DLG2: variants seen among roughly 807,000 people sequenced by gnomAD.
DLG2 encodes the protein disks large homolog 2.
In DLG2, 45 loss-of-function variants were observed where a neutral mutation model predicts 132.5. The observed-to-expected ratio is 0.34, with a 90% CI of 0.27 to 0.44. The LOEUF is 0.44. DLG2 is among the 20% of genes least tolerant of loss of function. The pLI is 1.00. For missense variants in DLG2, 1,045 were observed against 1,196.9 expected (o/e 0.87, Z 1.87); for synonymous variants, 424 against 419.6 (o/e 1.01, Z -0.13).
chr11:84,527,336 A>C (rs866572673), intron 7 of DLG2, among the ~76,000 whole-genome samples: 2 of 152,332 alleles, frequency 1.3e-5, no homozygotes, highest in Middle Eastern at 3.4e-3. Flanking sequence ...TGGCAACTCT[A>C]GTAAGAAAAT....
intron 11 of DLG2, among the ~76,000 whole-genome samples, chr11:83,985,948 G>C (rs1008694216): frequency 1.3e-5 from 2 of 151,938 alleles, no homozygotes; most frequent in Admixed American, 6.6e-5. Context: ...CACAATGATT[G>C]AACAAATTTA....
chr11:83,941,460 A>G (rs972905149), intron 14 of DLG2, among the ~76,000 whole-genome samples: 3 of 152,046 alleles, frequency 2.0e-5, no homozygotes, highest in African/African-American at 7.2e-5. Context: ...CAGGGTTGCA[A>G]TCTCAACTCA....
intron 16 of DLG2, among the ~76,000 whole-genome samples, chr11:83,872,467 T>A (rs981521714): frequency 6.6e-6 from 1 of 152,224 alleles, no homozygotes; most frequent in Non-Finnish European, 1.5e-5. Context: ...AATTGCTTTA[T>A]GCTAGTTGGG....
intron 21 of DLG2, among the ~76,000 whole-genome samples, chr11:83,508,506 G>A (rs2094849169): frequency 6.7e-6 from 1 of 148,784 alleles, no homozygotes; most frequent in Non-Finnish European, 1.5e-5. Context: ...GCCTCCCAAA[G>A]TGCTGGGATT....
At chr11:83,959,750 A>G (rs2087985952) in intron 14 of DLG2, among the ~76,000 whole-genome samples, 3 of 152,068 alleles carry the variant, frequency 2.0e-5, no homozygotes, top group African/African-American at 4.8e-5. Flanking sequence ...GGGGCCTTTG[A>G]AAACAGACAG....
chr11:85,510,686 C>T (rs2094042550), intron 3 of DLG2, among the ~76,000 whole-genome samples: 3 of 152,172 alleles, frequency 2.0e-5, no homozygotes, highest in Admixed American at 2.0e-4. Context: ...CACCTCACGC[C>T]AGTTAGAATG....
chr11:83,502,523 G>A (rs948822552), intron 21 of DLG2, among the ~76,000 whole-genome samples: 1 of 151,832 alleles, frequency 6.6e-6, no homozygotes, highest in East Asian at 1.9e-4. Context: ...ATCCCCAAGG[G>A]CTATGACACC....
intron 18 of DLG2, among the ~76,000 whole-genome samples, chr11:83,770,395 A>T (rs528811802): frequency 4.3e-4 from 66 of 152,130 alleles, no homozygotes; most frequent in Non-Finnish European, 7.2e-4. Flanking sequence ...GGAAAAAGGG[A>T]ATTCTGGGCA....
intron 4 of DLG2, among the ~76,000 whole-genome samples, chr11:85,245,811 C>A (rs965980347): frequency 6.6e-6 from 1 of 151,968 alleles, no homozygotes; most frequent in Non-Finnish European, 1.5e-5. Flanking sequence ...TACTCTACTC[C>A]AGCCTCAATG....
intron 3 of DLG2, among the ~76,000 whole-genome samples, chr11:85,295,210 T>C (rs1287077136): frequency 6.6e-6 from 1 of 152,130 alleles, no homozygotes; most frequent in Non-Finnish European, 1.5e-5. Flanking sequence ...AGATTTACCA[T>C]GTAAATTCTA....
chr11:85,322,495 T>A (rs948467285), intron 3 of DLG2, among the ~76,000 whole-genome samples: 1 of 152,160 alleles, frequency 6.6e-6, no homozygotes, highest in African/African-American at 2.4e-5. Flanking sequence ...AACCTCAGAT[T>A]AGTGACTAAT....
At chr11:84,730,756 G>A (rs1372650025) in intron 6 of DLG2, among the ~76,000 whole-genome samples, 1 of 151,854 alleles carries the variant, frequency 6.6e-6, no homozygotes, top group African/African-American at 2.4e-5. Flanking sequence ...ACTAAATGAG[G>A]TGTCTTACAT....
At chr11:85,046,665 T>C (rs2062377954) in intron 6 of DLG2, among the ~76,000 whole-genome samples, 1 of 151,912 alleles carries the variant, frequency 6.6e-6, no homozygotes, top group Admixed American at 6.6e-5. Context: ...CCTTCAACAC[T>C]AATTTCACAG....
At position 84,952,186 on chromosome 11, in the gene DLG2, T is replaced by C. The variant is rs542512540; in HGVS notation, c.357+159475A>G. On this transcript the variant is annotated intron_variant, in intron 6 of 27. Coordinates refer to ENST00000376104, the MANE Select transcript of DLG2 (RefSeq NM_001142699.3). ...AAATATACAAAAGAAATCTAAGACG[T>C]AAAGTAACTCACTGCCTCTAATGTG... is the stretch of plus-strand genomic sequence containing the variant. Among the ~76,000 whole-genome samples the C allele has an allele frequency of 2.0e-5, 3 of 152,330 alleles. No individual in the cohort carries two copies. The East Asian group carries it at 5.8e-4, about 29-fold the overall frequency.
chr11:84,971,916 C>G (rs1473482276), intron 6 of DLG2, among the ~76,000 whole-genome samples: 1 of 152,142 alleles, frequency 6.6e-6, no homozygotes, highest in South Asian at 2.1e-4. Context: ...ATAAAATCCC[C>G]AAAGAACCAA....
chr11:85,463,213 G>C (rs1201456606), intron 3 of DLG2, among the ~76,000 whole-genome samples: 3 of 152,150 alleles, frequency 2.0e-5, no homozygotes, highest in Non-Finnish European at 4.4e-5. Context: ...GGAGTATCAA[G>C]GTTGGATACA....
At chr11:85,361,975 G>A (rs1282974243) in intron 3 of DLG2, among the ~76,000 whole-genome samples, 1 of 152,078 alleles carries the variant, frequency 6.6e-6, no homozygotes, top group Admixed American at 6.6e-5. Context: ...CTATGATTTA[G>A]TTCTCTTTTT....
chr11:83,738,348 A>G (rs1016275210), intron 18 of DLG2, among the ~76,000 whole-genome samples: 8 of 151,324 alleles, frequency 5.3e-5, no homozygotes, highest in African/African-American at 1.9e-4. Flanking sequence ...TTTTTTTTCT[A>G]GTTCTTATGT....
At chr11:83,597,442 C>G (rs1277356650) in intron 19 of DLG2, among the ~76,000 whole-genome samples, 3 of 152,118 alleles carry the variant, frequency 2.0e-5, no homozygotes, top group Admixed American at 6.5e-5. Flanking sequence ...AATCCCAGTA[C>G]TTTGGGAGGC....
Sources: gnomAD v4.1 joint callset for allele counts (sites outside exome capture counted in the v4.1 genomes callset) on GRCh38, gnomAD v4.1.1 for gene constraint, MANE v1.5 for transcripts, NCBI Gene and HGNC (gene_info 2026-07-23, HGNC 2026-07-21) for gene names.